The following REV3L variants were observed in gnomAD, a reference collection of about 807,000 sequenced individuals.
The protein encoded by REV3L is REV3 like, DNA directed polymerase zeta catalytic subunit, also known as DNA polymerase zeta catalytic subunit.
REV3L carries 69 observed loss-of-function variants against 299.4 expected under a neutral mutation model. The ratio of observed to expected loss-of-function variants is 0.23; its 90% CI spans 0.19 to 0.28. The LOEUF is 0.28. REV3L is among the 10% of genes least tolerant of loss of function. The pLI is 1.00. For missense variants in REV3L, 3,128 were observed against 3,693.8 expected (o/e 0.85, Z 3.97); for synonymous variants, 1,238 against 1,271.4 (o/e 0.97, Z 0.56).
At chr6:111,423,531 A>AG in intron 1 of REV3L, among the ~76,000 whole-genome samples, 1 of 151,534 alleles carries the variant, frequency 6.6e-6, no homozygotes, top group Non-Finnish European at 1.5e-5. Context: ...TGAGAGAGAG[A>AG]AAAACAGTGT....
intron 26 of REV3L, among the ~76,000 whole-genome samples, chr6:111,317,975 C>T (rs1166917270): frequency 6.6e-6 from 1 of 152,204 alleles, no homozygotes; most frequent in Non-Finnish European, 1.5e-5. Context: ...TTTGCTTGTC[C>T]AATCACTCAC....
intron 1 of REV3L, among the ~76,000 whole-genome samples, chr6:111,433,030 A>G (rs1253282692): frequency 1.3e-5 from 2 of 152,180 alleles, no homozygotes; most frequent in African/African-American, 4.8e-5. Context: ...ACCCAAACCT[A>G]TGGGATACAG....
At chr6:111,477,436 G>A (rs1187675211) in intron 1 of REV3L, among the ~76,000 whole-genome samples, 2 of 152,230 alleles carry the variant, frequency 1.3e-5, no homozygotes, top group African/African-American at 2.4e-5. Flanking sequence ...ATGGTGCTCT[G>A]AGAGTCTGTG....
Position 111,472,208 on chromosome 6 carries a change from C to A in REV3L, c.139+10542G>T, listed in dbSNP as rs1268495681. ...CTGCGAGTATGCCAACATGTTTTAA[C>A]TTTACATTTTTCACATATCAACATG... On this transcript the variant is annotated intron_variant, in intron 1 of 31. Coordinates refer to ENST00000368802, the MANE Select transcript of REV3L (RefSeq NM_001372078.1). 1.1e-5 allele frequency: 11 copies of A among 1,013,472 alleles called. No individual in the cohort carries two copies. In the African/African-American group the frequency reaches 1.9e-4, roughly 18 times the overall value. The allele number at this position is 1,013,472 out of a possible 1,614,324, so 62.8% of individuals were successfully genotyped here.
chr6:111,379,856 G>A, intron 11 of REV3L, 126 bp downstream of exon 11: 1 of 691,656 alleles, frequency 1.4e-6, no homozygotes, highest in African/African-American at 1.8e-5. Context: ...CACTAAAGGG[G>A]AATTTTAAAA....
intron 1 of REV3L, among the ~76,000 whole-genome samples, chr6:111,461,882 A>T (rs754550603): frequency 2.0e-5 from 3 of 152,120 alleles, no homozygotes; most frequent in Non-Finnish European, 4.4e-5. Flanking sequence ...ACCAGATACC[A>T]TAGTGGTAGA....
Position 111,350,815 on chromosome 6 carries a change from C to T in REV3L, c.7300+861G>A, listed in dbSNP as rs147022054. On this transcript the variant is annotated intron_variant, in intron 19 of 31. Transcript: ENST00000368802. ...TGTTGCCTGGGATAGTTTTGAACTCCAGGGCTCAAGCAAGCCTCCCACCTT... is the reference window on the plus strand; with the variant it reads ...TGTTGCCTGGGATAGTTTTGAACTCTAGGGCTCAAGCAAGCCTCCCACCTT... Among the ~76,000 whole-genome samples the T allele has an allele frequency of 2.0e-3, 297 of 151,226 alleles. 1 individual carries two copies. Among genetic ancestry groups the T allele is most frequent in the African/African-American group, 7.1e-3 (291 of 41,160 alleles).
intron 26 of REV3L, among the ~76,000 whole-genome samples, chr6:111,320,119 A>T (rs1773979591): frequency 6.7e-6 from 1 of 150,222 alleles, no homozygotes; most frequent in African/African-American, 2.5e-5. Flanking sequence ...CCCAGGCTGG[A>T]GTGCAATGGC....
chr6:111,394,906 G>A (rs1403295869), intron 4 of REV3L, among the ~76,000 whole-genome samples: 1 of 151,700 alleles, frequency 6.6e-6, no homozygotes, highest in African/African-American at 2.4e-5. Flanking sequence ...TGCACAGGCT[G>A]GACTCAAATT....
intron 1 of REV3L, among the ~76,000 whole-genome samples, chr6:111,475,052 A>AT (rs1554254142): frequency 6.6e-6 from 1 of 151,910 alleles, no homozygotes; most frequent in Non-Finnish European, 1.5e-5. Context: ...AAAGAATTTT[A>AT]TTCTAATACA....
intron 14 of REV3L, 84 bp from the exon 15 acceptor site, chr6:111,365,428 C>T: frequency 1.5e-6 from 1 of 650,402 alleles, no homozygotes; most frequent in Non-Finnish European, 2.5e-6. Context: ...GTTCCAAACA[C>T]TTAAGTACCA....
intron 1 of REV3L, among the ~76,000 whole-genome samples, chr6:111,419,231 C>A (rs749107901): frequency 5.3e-5 from 8 of 152,072 alleles, no homozygotes; most frequent in Non-Finnish European, 1.0e-4. Flanking sequence ...AGAACAACCA[C>A]AACACAAGGA....
chr6:111,303,160 TC>T (rs1771776914), intron 31 of REV3L, among the ~76,000 whole-genome samples: 3 of 65,180 alleles, frequency 4.6e-5, no homozygotes, highest in African/African-American at 9.9e-5. Context: ...GGCTTTCTTT[TC>T]TTTCTTTTTT....
chr6:111,407,494 A>G (rs551654157), intron 3 of REV3L, among the ~76,000 whole-genome samples: 28 of 152,336 alleles, frequency 1.8e-4, no homozygotes, highest in African/African-American at 6.0e-4. Context: ...AGAAGCTAAC[A>G]TTTAGGATTG....
intron 1 of REV3L, chr6:111,431,734 G>A (rs1786949821): frequency 1.2e-6 from 1 of 865,872 alleles, no homozygotes. Flanking sequence ...AGAAGATACT[G>A]AAGAACCTAA....
intron 1 of REV3L, chr6:111,431,478 T>C: frequency 1.9e-6 from 2 of 1,031,340 alleles, no homozygotes; most frequent in Non-Finnish European, 3.1e-6. Flanking sequence ...GACCACCAGA[T>C]TGCTCAGGGA....
chr6:111,462,976 CCT>C (rs1379665880), intron 1 of REV3L, among the ~76,000 whole-genome samples: 1 of 151,560 alleles, frequency 6.6e-6, no homozygotes. Flanking sequence ...TATCTTTGGC[CCT>C]CTCAGGTGGC....
chr6:111,383,432 A>G (rs1253721019), intron 9 of REV3L, among the ~76,000 whole-genome samples: 1 of 152,248 alleles, frequency 6.6e-6, no homozygotes, highest in Non-Finnish European at 1.5e-5. Context: ...TACAAAATCA[A>G]CATATGAAAA....
chr6:111,300,574 C>G (rs952810745), intron 31 of REV3L, among the ~76,000 whole-genome samples: 4 of 152,190 alleles, frequency 2.6e-5, no homozygotes, highest in African/African-American at 9.7e-5. Flanking sequence ...AAGCAACCTG[C>G]TGAAGCCACA....
Sources: allele counts gnomAD v4.1 joint callset (sites outside exome capture counted in the v4.1 genomes callset), GRCh38; gene constraint gnomAD v4.1.1; transcripts MANE v1.5; gene names NCBI Gene and HGNC (gene_info 2026-07-23, HGNC 2026-07-21).